The following CPS1 variants were observed in gnomAD, a reference collection of about 807,000 sequenced individuals.
CPS1 encodes the protein carbamoyl-phosphate synthase 1, also known as carbamoyl-phosphate synthase [ammonia], mitochondrial.
A neutral mutation model predicts 174.6 loss-of-function variants in CPS1; 109 were observed. The ratio of observed to expected loss-of-function variants is 0.62; its 90% CI spans 0.53 to 0.73. The LOEUF (loss-of-function observed/expected upper bound fraction) is 0.73, where lower values mean the gene tolerates loss of function less well. CPS1 is among the 30% of genes least tolerant of loss of function. The pLI is 0.00. For synonymous variants in CPS1, 637 were observed against 632.0 expected, an observed-to-expected ratio of 1.01 and a Z score of -0.12; for missense variants, 1,689 against 1,821.9, an observed-to-expected ratio of 0.93 and a Z score of 1.33.
rs1553512642 is a variant in CPS1 at position 210,602,254 on chromosome 2, G to T, written c.1760G>T (p.Arg587Leu). The change falls in exon 16 of 38, where the codon CGT becomes CTT. Residue 587 changes from arginine to leucine, a missense_variant. Physicochemically the swap from Arg to Leu is moderately radical, Grantham distance 102. Transcript: ENST00000233072. ...ADTIGYPVMI[R>L]SAYALGGLGS... ...ACCATTGGCTACCCAGTGATGATCC[G>T]TTCCGCCTATGCACTGGGTGGGTTA... The T allele has an allele frequency of 1.2e-6, 2 of 1,612,362 alleles. No individual in the cohort carries two copies. The highest frequency in any genetic ancestry group is 2.7e-5 in the African/African-American group (2 of 74,750).
At chr2:210,528,849 G>A (rs73984632) in intron 1 of CPS1, among the ~76,000 whole-genome samples, 1,529 of 136,236 alleles carry the variant, frequency 0.011, 27 homozygotes, top group African/African-American at 0.035. Flanking sequence ...TAGCTTCCTC[G>A]GAAAATTTGA....
At chr2:210,664,537 C>G (rs1045989815) in intron 33 of CPS1, among the ~76,000 whole-genome samples, 2 of 152,014 alleles carry the variant, frequency 1.3e-5, no homozygotes, top group Non-Finnish European at 2.9e-5. Context: ...TGGCGTTTCT[C>G]CATGTGGGTC....
chr2:210,482,259 C>T (rs1330395656), intron 1 of CPS1, among the ~76,000 whole-genome samples: 2 of 151,930 alleles, frequency 1.3e-5, no homozygotes, highest in Non-Finnish European at 2.9e-5. Context: ...GTTGAATCTG[C>T]ATTTTAAAAA....
At chr2:210,599,228 A>G (rs1227590009) in intron 13 of CPS1, 144 bp from the exon 14 acceptor site, 1 of 699,716 alleles carries the variant, frequency 1.4e-6, no homozygotes, top group East Asian at 2.7e-5. Context: ...TCTTCCTTTA[A>G]CTTCCATTCA....
At chr2:210,496,270 T>C (rs1223822865) in intron 1 of CPS1, among the ~76,000 whole-genome samples, 1 of 152,156 alleles carries the variant, frequency 6.6e-6, no homozygotes, top group African/African-American at 2.4e-5. Context: ...ACTGTGTATG[T>C]CTCTCTGTCT....
At chr2:210,629,265 G>A (rs1699787541) in intron 21 of CPS1, among the ~76,000 whole-genome samples, 1 of 152,136 alleles carries the variant, frequency 6.6e-6, no homozygotes, top group African/African-American at 2.4e-5. Context: ...GACTTAACCC[G>A]TTAATCCAAT....
intron 1 of CPS1, among the ~76,000 whole-genome samples, chr2:210,560,691 G>A (rs371296243): frequency 6.6e-6 from 1 of 152,232 alleles, no homozygotes; most frequent in African/African-American, 2.4e-5. Flanking sequence ...GTCTTGAGGA[G>A]CTATTGTCAT....
chr2:210,652,825 T>A (rs1343927846), intron 28 of CPS1, among the ~76,000 whole-genome samples: 1 of 151,834 alleles, frequency 6.6e-6, no homozygotes, highest in African/African-American at 2.4e-5. Context: ...GATTTGAGAA[T>A]GAAAGCAATC....
At chr2:210,656,968 G>A (rs540713517) in intron 30 of CPS1, among the ~76,000 whole-genome samples, 7 of 152,180 alleles carry the variant, frequency 4.6e-5, no homozygotes, top group Non-Finnish European at 4.4e-5. Context: ...CAGAATTTGC[G>A]TTTTTCACAA....
At chr2:210,517,312 C>T (rs919366301) in intron 1 of CPS1, among the ~76,000 whole-genome samples, 1 of 151,894 alleles carries the variant, frequency 6.6e-6, no homozygotes, top group Non-Finnish European at 1.5e-5. Context: ...CTTAAGGTCT[C>T]CAAACCAGAG....
At chr2:210,552,874 A>G (rs7560638), upstream of CPS1, among the ~76,000 whole-genome samples, 2,449 of 152,182 alleles carry the variant, frequency 0.016, 52 homozygotes, top group African/African-American at 0.051. Flanking sequence ...GAAGTATTCA[A>G]CTTCACCAGT....
At chr2:210,585,916 C>T (rs1698092555) in intron 6 of CPS1, among the ~76,000 whole-genome samples, 1 of 151,606 alleles carries the variant, frequency 6.6e-6, no homozygotes, top group Non-Finnish European at 1.5e-5. Context: ...AAAGGATGTT[C>T]CCATGCCCTT....
chr2:210,647,462 G>A (rs1700415680), intron 25 of CPS1, among the ~76,000 whole-genome samples: 1 of 152,310 alleles, frequency 6.6e-6, no homozygotes, highest in East Asian at 1.9e-4. Flanking sequence ...TAATCTGAAT[G>A]TGAAGTGCTG....
At chr2:210,595,722 G>A (rs1698461284) in intron 13 of CPS1, 140 bp downstream of exon 13, 1 of 677,698 alleles carries the variant, frequency 1.5e-6, no homozygotes, top group Non-Finnish European at 2.6e-6. Flanking sequence ...TATAAATCTT[G>A]TATTAAAGAA....
chr2:210,527,493 A>G (rs1411174483), intron 1 of CPS1, among the ~76,000 whole-genome samples: 2 of 151,874 alleles, frequency 1.3e-5, no homozygotes, highest in African/African-American at 2.4e-5. Context: ...TTAAATATTA[A>G]ACTGGCAATG....
At position 210,606,713 on chromosome 2, in the gene CPS1, T is replaced by G; in HGVS notation, c.1982-18T>G. 1 of 1,606,818 alleles carries G rather than the reference T, an allele frequency of 6.2e-7. No individual in the cohort carries two copies. Among genetic ancestry groups the G allele is most frequent in the South Asian group, 1.1e-5 (1 of 90,936 alleles). ...TTTCAATATGCCACCAAGTAATGAGTGCTTCTTGGATATATAGGTGACTCA... is the reference window on the plus strand; with the variant it reads ...TTTCAATATGCCACCAAGTAATGAGGGCTTCTTGGATATATAGGTGACTCA... On this transcript the variant is annotated intron_variant, in intron 17 of 37. Transcript: ENST00000233072.
intron 1 of CPS1, among the ~76,000 whole-genome samples, chr2:210,498,274 G>C (rs1356491382): frequency 1.3e-5 from 2 of 151,930 alleles, no homozygotes; most frequent in African/African-American, 4.8e-5. Context: ...TTTTAATGGG[G>C]TTTGAGCATA....
rs544928659 is a variant in CPS1 at position 210,512,860 on chromosome 2, A to G, written c.3+35094A>G. On this transcript the variant is annotated intron_variant, in intron 1 of 38. Coordinates refer to the CPS1 transcript ENST00000430249. ...TATACATATATGGAGATATATATAT[A>G]TAGATATATATATATAGAGATATAT... 3.4e-3 allele frequency among the ~76,000 whole-genome samples: 197 copies of G among 57,222 alleles called. 16 individuals are homozygous for G. The highest frequency in any genetic ancestry group is 0.011 in the African/African-American group (188 of 17,714). The allele number at this position is 57,222 out of a possible 152,430, so 37.5% of individuals were successfully genotyped here. A position where few individuals can be genotyped will look rare whatever the true frequency, so the allele number is the denominator to read the frequency against.
Position 210,663,194 on chromosome 2 carries a change from A to G in CPS1, c.3999A>G (p.Gly1333=). 1 of 1,612,458 alleles carries G rather than the reference A, an allele frequency of 6.2e-7. No homozygotes were observed. Among genetic ancestry groups the G allele is most frequent in the Non-Finnish European group, 8.5e-7 (1 of 1,178,850 alleles). Residue 1333 remains glycine, a synonymous_variant, in exon 33 of 38, where the codon GGA becomes GGG. Transcript: ENST00000233072. ...PILRCEMAST[G]EVACFGEGIH... ...TGAGATGTGAGATGGCTTCCACTGG[A>G]GAGGTAACTAGTTAATAATCCATGG... is the stretch of plus-strand genomic sequence containing the variant.
Sources: gnomAD v4.1 joint callset for allele counts (sites outside exome capture counted in the v4.1 genomes callset) on GRCh38, gnomAD v4.1.1 for gene constraint, MANE v1.5 for transcripts, NCBI Gene and HGNC (gene_info 2026-07-23, HGNC 2026-07-21) for gene names.